CEP85L: variants seen among roughly 807,000 people sequenced by gnomAD.
CEP85L encodes the protein centrosomal protein 85L.
Under a neutral mutation model 100.3 loss-of-function variants are expected in CEP85L, and 60 were observed. The observed-to-expected ratio is 0.60, with a 90% CI of 0.49 to 0.74. The LOEUF (loss-of-function observed/expected upper bound fraction) is 0.74, where lower values mean the gene tolerates loss of function less well. CEP85L is among the 30% of genes least tolerant of loss of function. The pLI is 0.00. For synonymous variants in CEP85L, 319 were observed against 322.7 expected (o/e 0.99, Z 0.12); for missense variants, 973 against 936.2 (o/e 1.04, Z -0.51).
At chr6:118,675,727 C>T (rs928063824) in intron 1 of CEP85L, among the ~76,000 whole-genome samples, 1 of 151,776 alleles carries the variant, frequency 6.6e-6, no homozygotes, top group Admixed American at 6.6e-5. Flanking sequence ...CATAGCGAGA[C>T]CCCAAGGCAA....
At chr6:118,598,210 G>A (rs564872860) in intron 2 of CEP85L, among the ~76,000 whole-genome samples, 2 of 151,976 alleles carry the variant, frequency 1.3e-5, no homozygotes, top group African/African-American at 4.8e-5. Context: ...AGACCAAACA[G>A]CTAGAACACA....
intron 3 of CEP85L, among the ~76,000 whole-genome samples, chr6:118,564,702 ATTTTACAT>A (rs570756962): frequency 1.6e-3 from 236 of 152,242 alleles, no homozygotes; most frequent in African/African-American, 5.3e-3. Flanking sequence ...ATGAATACCA[ATTTTACAT>A]TTTTACTCTA....
At chr6:118,470,039 T>TG (rs1314141185) in intron 11 of CEP85L, among the ~76,000 whole-genome samples, 2 of 152,010 alleles carry the variant, frequency 1.3e-5, no homozygotes, top group African/African-American at 2.4e-5. Context: ...TGCATATTGG[T>TG]GGGGGGAAGC....
At chr6:118,468,949 G>T (rs1772732876) in intron 12 of CEP85L, 123 bp downstream of exon 12, 2 of 673,360 alleles carry the variant, frequency 3.0e-6, no homozygotes, top group Admixed American at 2.6e-5. Flanking sequence ...TAAACCCACA[G>T]ACTGATTCTA....
intron 5 of CEP85L, chr6:118,501,809 T>TGA (rs35783390): frequency 2.6e-3 from 2,724 of 1,063,926 alleles, no homozygotes; most frequent in East Asian, 0.013. Context: ...GGCTGCTGGC[T>TGA]GAGAGAGAGA....
chr6:118,469,794 G>A lies in CEP85L; in HGVS notation c.2023-491C>T, dbSNP rs185226652. 8.6e-3 allele frequency among the ~76,000 whole-genome samples: 1,306 copies of A among 152,180 alleles called. 11 individuals are homozygous for A. Among genetic ancestry groups the A allele is most frequent in the Non-Finnish European group, 0.014 (982 of 68,004 alleles). On this transcript the variant is annotated intron_variant, in intron 11 of 12. Transcript: ENST00000368491. The stretch of plus-strand genomic sequence containing the variant: ...TTTTTGCATTTTTTGTAGAGAGAGG[G>A]TTTTGTCACATTGCCTAAGCTGGTC...
intron 3 of CEP85L, among the ~76,000 whole-genome samples, chr6:118,536,785 TAGG>T (rs1409096105): frequency 6.6e-6 from 1 of 152,174 alleles, no homozygotes; most frequent in Non-Finnish European, 1.5e-5. Flanking sequence ...GTCAGAACTC[TAGG>T]AGAACAAAGA....
intron 5 of CEP85L, among the ~76,000 whole-genome samples, chr6:118,504,499 C>A (rs193148341): frequency 6.6e-6 from 1 of 152,148 alleles, no homozygotes; most frequent in Non-Finnish European, 1.5e-5. Flanking sequence ...AAGGGTGGCA[C>A]CCCTGGAGAT....
chr6:118,639,020 C>A (rs1290637740), intron 1 of CEP85L, among the ~76,000 whole-genome samples: 1 of 152,100 alleles, frequency 6.6e-6, no homozygotes, highest in East Asian at 1.9e-4. Flanking sequence ...CAGATTTATA[C>A]TTTTAAATAA....
At chr6:118,558,102 C>A (rs1411577432) in intron 3 of CEP85L, among the ~76,000 whole-genome samples, 1 of 152,054 alleles carries the variant, frequency 6.6e-6, no homozygotes, top group Non-Finnish European at 1.5e-5. Flanking sequence ...CAGGCACATG[C>A]CACCAGCCTA....
intron 2 of CEP85L, among the ~76,000 whole-genome samples, chr6:118,597,847 G>A: frequency 6.6e-6 from 1 of 152,192 alleles, no homozygotes; most frequent in East Asian, 1.9e-4. Flanking sequence ...CCTAGTCTGA[G>A]AACAGGAGAG....
chr6:118,568,817 C>T (rs778337409), intron 2 of CEP85L, among the ~76,000 whole-genome samples: 3 of 151,890 alleles, frequency 2.0e-5, no homozygotes, highest in Admixed American at 2.0e-4. Flanking sequence ...ACAGGACAGA[C>T]GTCCCCAAAA....
intron 2 of CEP85L, among the ~76,000 whole-genome samples, chr6:118,618,095 G>A (rs1378925953): frequency 6.6e-6 from 1 of 152,088 alleles, no homozygotes; most frequent in African/African-American, 2.4e-5. Flanking sequence ...AAGTACACCC[G>A]GGAGTGCTCA....
At chr6:118,606,647 G>A (rs1261493751) in intron 2 of CEP85L, among the ~76,000 whole-genome samples, 1 of 152,234 alleles carries the variant, frequency 6.6e-6, no homozygotes, top group Non-Finnish European at 1.5e-5. Context: ...GTAAAACAAG[G>A]TGGAGACTTC....
intron 1 of CEP85L, among the ~76,000 whole-genome samples, chr6:118,707,003 T>A (rs954016931): frequency 1.3e-5 from 2 of 152,136 alleles, no homozygotes; most frequent in African/African-American, 4.8e-5. Context: ...CTCATTGGCC[T>A]GGCAAATCCC....
chr6:118,505,523 C>T (rs987766713), intron 5 of CEP85L, among the ~76,000 whole-genome samples: 1 of 150,214 alleles, frequency 6.7e-6, no homozygotes, highest in Non-Finnish European at 1.5e-5. Flanking sequence ...TGTGATATAC[C>T]CAGAAAGCGG....
chr6:118,492,369 G>A (rs1000156139), intron 5 of CEP85L, among the ~76,000 whole-genome samples: 4 of 151,952 alleles, frequency 2.6e-5, no homozygotes, highest in Admixed American at 1.3e-4. Context: ...TCCATGAATC[G>A]GGGATTCTTG....
At chr6:118,504,600 A>G (rs1336039037) in intron 5 of CEP85L, among the ~76,000 whole-genome samples, 1 of 152,140 alleles carries the variant, frequency 6.6e-6, no homozygotes, top group African/African-American at 2.4e-5. Flanking sequence ...AATATCCTTT[A>G]TAACAAATGG....
chr6:118,474,359 C>T (rs6569020), intron 10 of CEP85L, among the ~76,000 whole-genome samples: 72,038 of 152,000 alleles, frequency 0.47, 17,477 homozygotes, highest in Middle Eastern at 0.58. Context: ...CAATAACACA[C>T]GGCTCCCTCT....
Sources: allele counts gnomAD v4.1 joint callset (sites outside exome capture counted in the v4.1 genomes callset), GRCh38; gene constraint gnomAD v4.1.1; transcripts MANE v1.5; gene names NCBI Gene and HGNC (gene_info 2026-07-23, HGNC 2026-07-21).